The following RNF111 variants were observed in gnomAD, a reference collection of about 807,000 sequenced individuals.
RNF111 encodes ring finger protein 111, also known as E3 ubiquitin-protein ligase Arkadia.
A neutral mutation model predicts 95.1 loss-of-function variants in RNF111; 17 were observed. That is an observed-to-expected ratio of 0.18 (90% CI 0.12 to 0.27). RNF111 has a LOEUF of 0.27. RNF111 is among the 10% of genes least tolerant of loss of function. The probability of loss-of-function intolerance (pLI) is 1.00; values close to 1 mark genes in which losing one functional copy is unlikely to be tolerated. For missense variants in RNF111, 1,189 were observed against 1,210.4 expected, an observed-to-expected ratio of 0.98 and a Z score of 0.26; for synonymous variants, 440 against 414.8, an observed-to-expected ratio of 1.06 and a Z score of -0.74.
At chr15:58,995,831 C>T (rs1276420154) in intron 1 of RNF111, among the ~76,000 whole-genome samples, 3 of 141,370 alleles carry the variant, frequency 2.1e-5, no homozygotes, top group African/African-American at 7.9e-5. Context: ...GTTGCAAGCA[C>T]ATCTTATTTC....
chr15:59,065,726 C>T (rs550277533), intron 5 of RNF111, among the ~76,000 whole-genome samples: 2 of 152,236 alleles, frequency 1.3e-5, no homozygotes, highest in South Asian at 4.1e-4. Flanking sequence ...AAGATAATGG[C>T]CCAGACATGG....
chr15:59,094,239 TAA>T (rs1424019135), intron 13 of RNF111, among the ~76,000 whole-genome samples: 53 of 152,216 alleles, frequency 3.5e-4, no homozygotes, highest in African/African-American at 1.3e-3. Flanking sequence ...GTTATGTACT[TAA>T]GTTTAATGTG....
At chr15:58,993,730 G>A (rs1448025175) in intron 1 of RNF111, among the ~76,000 whole-genome samples, 1 of 152,156 alleles carries the variant, frequency 6.6e-6, no homozygotes, top group Non-Finnish European at 1.5e-5. Context: ...TGCCTGAAGG[G>A]GCTTATGGCT....
intron 1 of RNF111, among the ~76,000 whole-genome samples, chr15:58,988,769 A>G (rs1169528454): frequency 6.6e-6 from 1 of 152,128 alleles, no homozygotes; most frequent in East Asian, 1.9e-4. Context: ...TATTCATTTA[A>G]TTTGTTCGTG....
At chr15:59,032,781 C>G (rs1018956845) in intron 2 of RNF111, among the ~76,000 whole-genome samples, 1 of 151,996 alleles carries the variant, frequency 6.6e-6, no homozygotes, top group Non-Finnish European at 1.5e-5. Context: ...ATACTAGGAC[C>G]CAGAGACTTT....
At chr15:59,074,633 C>G (rs112958194) in intron 6 of RNF111, among the ~76,000 whole-genome samples, 6 of 152,266 alleles carry the variant, frequency 3.9e-5, no homozygotes, top group African/African-American at 1.4e-4. Flanking sequence ...AATATTGTAG[C>G]TGGTTTGATC....
chr15:58,993,962 A>G (rs945142997), intron 1 of RNF111, among the ~76,000 whole-genome samples: 9 of 150,868 alleles, frequency 6.0e-5, no homozygotes, highest in Non-Finnish European at 1.0e-4. Flanking sequence ...CCTTATTCAT[A>G]TGTACTATAG....
intron 5 of RNF111, among the ~76,000 whole-genome samples, chr15:59,065,178 G>GT (rs1388266229): frequency 4.5e-4 from 68 of 152,192 alleles, no homozygotes; most frequent in African/African-American, 1.6e-3. Context: ...AGAGTAGGGG[G>GT]TTAAGGATGG....
chr15:58,993,691 G>A (rs1281653681), intron 1 of RNF111, among the ~76,000 whole-genome samples: 1 of 152,192 alleles, frequency 6.6e-6, no homozygotes, highest in African/African-American at 2.4e-5. Context: ...CAGTGCTTGA[G>A]TTAAAACAAA....
At chr15:59,086,543 A>C in intron 10 of RNF111, among the ~76,000 whole-genome samples, 1 of 152,226 alleles carries the variant, frequency 6.6e-6, no homozygotes, top group East Asian at 1.9e-4. Flanking sequence ...TTTGTATTAC[A>C]TACTTGTTAT....
chr15:59,058,590 A>G (rs764525130), intron 5 of RNF111, 40 bp downstream of exon 5: 3 of 1,548,808 alleles, frequency 1.9e-6, no homozygotes, highest in Admixed American at 1.7e-5. Context: ...TTTTGTCATT[A>G]CTTTCGTTAG....
At chr15:58,996,291 G>T (rs2039067767) in intron 1 of RNF111, among the ~76,000 whole-genome samples, 1 of 151,936 alleles carries the variant, frequency 6.6e-6, no homozygotes, top group African/African-American at 2.4e-5. Flanking sequence ...CAAAAAATTG[G>T]GCTGGGTGCG....
chr15:59,046,253 G>C (rs2041702624), intron 2 of RNF111, among the ~76,000 whole-genome samples: 1 of 151,644 alleles, frequency 6.6e-6, no homozygotes, highest in South Asian at 2.1e-4. Context: ...GACTGCAGTG[G>C]CGCCATCAGG....
intron 1 of RNF111, among the ~76,000 whole-genome samples, chr15:59,010,072 A>G (rs1453557601): frequency 1.3e-5 from 2 of 152,228 alleles, no homozygotes; most frequent in Non-Finnish European, 2.9e-5. Context: ...TCATTTGAGA[A>G]TGTGACATTT....
chr15:59,037,422 T>C lies in RNF111; in HGVS notation c.880+5720T>C, dbSNP rs368861956. ...AGAATAGGTGTTAATTTTAGTAATA[T>C]ATTTCTAGGATCTATTCAGAGAACC... On this transcript the variant is annotated intron_variant, in intron 2 of 13. Coordinates refer to ENST00000348370, the MANE Select transcript of RNF111 (RefSeq NM_017610.8). Among the ~76,000 whole-genome samples, 39 of 152,330 alleles carry C rather than the reference T, an allele frequency of 2.6e-4. No homozygotes were observed. In the South Asian group the frequency reaches 5.0e-3, roughly 19 times the overall value.
At chr15:59,006,598 G>A (rs2039549623) in intron 1 of RNF111, among the ~76,000 whole-genome samples, 2 of 152,070 alleles carry the variant, frequency 1.3e-5, no homozygotes, top group South Asian at 4.1e-4. Flanking sequence ...TTAACAATTT[G>A]CTATTTTTTT....
chr15:59,071,529 A>G (rs1179017532), intron 6 of RNF111, among the ~76,000 whole-genome samples: 2 of 151,836 alleles, frequency 1.3e-5, no homozygotes, highest in Admixed American at 6.6e-5. Flanking sequence ...ACAAAACGAA[A>G]CAAAAAAACA....
chr15:59,093,528 C>G (rs1156777700), intron 13 of RNF111: 2 of 342,938 alleles, frequency 5.8e-6, no homozygotes, highest in Non-Finnish European at 1.1e-5. Flanking sequence ...CTTTTATAAA[C>G]TGGTTTTGTC....
At chr15:59,079,294 C>CA (rs2078666490) in intron 7 of RNF111, among the ~76,000 whole-genome samples, 2 of 152,302 alleles carry the variant, frequency 1.3e-5, no homozygotes, top group South Asian at 4.1e-4. Context: ...GGATAGTTAA[C>CA]AATCATAAAA....
Sources: allele counts gnomAD v4.1 joint callset (sites outside exome capture counted in the v4.1 genomes callset), GRCh38; gene constraint gnomAD v4.1.1; transcripts MANE v1.5; gene names NCBI Gene and HGNC (gene_info 2026-07-23, HGNC 2026-07-21).